Variants in SYT1 observed in about 807,000 individuals in gnomAD.
SYT1 encodes synaptotagmin 1, also known as synaptotagmin-1.
A neutral mutation model predicts 44.8 loss-of-function variants in SYT1; 8 were observed. That is an observed-to-expected ratio of 0.18 (90% CI 0.10 to 0.32). SYT1 has a LOEUF of 0.32. Ranked by LOEUF, SYT1 falls within the 10% of genes least tolerant of loss-of-function variation. The pLI, the probability that SYT1 is intolerant of heterozygous loss-of-function variation, is 1.00. For missense variants in SYT1, 286 were observed against 509.3 expected, an observed-to-expected ratio of 0.56 and a Z score of 4.22; for synonymous variants, 154 against 188.8, an observed-to-expected ratio of 0.82 and a Z score of 1.51.
intron 3 of SYT1, among the ~76,000 whole-genome samples, chr12:79,130,097 A>G (rs1868711072): frequency 6.6e-6 from 1 of 152,204 alleles, no homozygotes; most frequent in South Asian, 2.1e-4. Flanking sequence ...AAGTTTCAGC[A>G]GGTATTTGGG....
At chr12:79,197,574 T>C (rs1873537277) in intron 3 of SYT1, among the ~76,000 whole-genome samples, 2 of 152,242 alleles carry the variant, frequency 1.3e-5, no homozygotes, top group African/African-American at 4.8e-5. Context: ...AGAATTTTAC[T>C]ATATTTCCTC....
At chr12:79,032,335 A>T (rs1872878869) in intron 2 of SYT1, among the ~76,000 whole-genome samples, 1 of 151,284 alleles carries the variant, frequency 6.6e-6, no homozygotes, top group Admixed American at 6.6e-5. Flanking sequence ...TAATGCACTA[A>T]GTGATATATG....
At chr12:79,073,030 T>C (rs1314845359) in intron 3 of SYT1, among the ~76,000 whole-genome samples, 1 of 152,158 alleles carries the variant, frequency 6.6e-6, no homozygotes, top group Non-Finnish European at 1.5e-5. Context: ...AATGAATAAG[T>C]TGTCAGAATA....
chr12:79,007,800 A>G (rs900504408), intron 2 of SYT1, among the ~76,000 whole-genome samples: 6 of 152,098 alleles, frequency 3.9e-5, no homozygotes, highest in Admixed American at 1.3e-4. Flanking sequence ...TTTCAGTGCA[A>G]AAGTTCATCA....
At chr12:78,869,311 G>A (rs755211079) in intron 1 of SYT1, among the ~76,000 whole-genome samples, 11 of 151,832 alleles carry the variant, frequency 7.2e-5, no homozygotes, top group Admixed American at 2.6e-4. Flanking sequence ...TGTGGTAGCC[G>A]GGTATGTGAA....
chr12:78,991,988 A>G (rs1399547715), intron 2 of SYT1, among the ~76,000 whole-genome samples: 1 of 152,152 alleles, frequency 6.6e-6, no homozygotes, highest in Admixed American at 6.5e-5. Context: ...GGCCCTAGCA[A>G]GTTAAGGTCC....
At chr12:79,173,063 CT>C (rs1215964009) in intron 3 of SYT1, among the ~76,000 whole-genome samples, 1 of 142,294 alleles carries the variant, frequency 7.0e-6, no homozygotes, top group African/African-American at 2.6e-5. Flanking sequence ...TATAAAACCT[CT>C]TGAGATTTTA....
intron 3 of SYT1, among the ~76,000 whole-genome samples, chr12:79,149,518 A>C (rs187598499): frequency 6.6e-6 from 1 of 152,318 alleles, no homozygotes; most frequent in East Asian, 1.9e-4. Context: ...ATCATAAAAT[A>C]GTTTCCTAAA....
chr12:79,293,390 TAAA>T (rs1163394769), intron 6 of SYT1, among the ~76,000 whole-genome samples: 3 of 67,948 alleles, frequency 4.4e-5, no homozygotes, highest in Admixed American at 1.4e-4. Context: ...TAAAATAAAA[TAAA>T]ATAAAATAAA....
chr12:79,419,643 C>A (rs1310491186), intron 9 of SYT1, among the ~76,000 whole-genome samples: 2 of 152,042 alleles, frequency 1.3e-5, no homozygotes, highest in Non-Finnish European at 2.9e-5. Flanking sequence ...TATTTGAGGT[C>A]TACAATAGTA....
chr12:79,002,444 C>T (rs984978804), intron 2 of SYT1, among the ~76,000 whole-genome samples: 1 of 151,778 alleles, frequency 6.6e-6, no homozygotes, highest in East Asian at 1.9e-4. Flanking sequence ...TGGCTTTTTG[C>T]TCATTGCCAG....
intron 9 of SYT1, among the ~76,000 whole-genome samples, chr12:79,377,990 C>A (rs1010067530): frequency 6.6e-6 from 1 of 152,162 alleles, no homozygotes; most frequent in African/African-American, 2.4e-5. Context: ...TGACAAATTT[C>A]TCATATTTAT....
chr12:78,868,338 G>A (rs1221317003), intron 1 of SYT1, among the ~76,000 whole-genome samples: 1 of 151,840 alleles, frequency 6.6e-6, no homozygotes, highest in Non-Finnish European at 1.5e-5. Flanking sequence ...TATGCGTCTT[G>A]CATGCATTCT....
intron 3 of SYT1, among the ~76,000 whole-genome samples, chr12:79,105,311 A>G (rs896102166): frequency 6.6e-6 from 1 of 152,230 alleles, no homozygotes; most frequent in African/African-American, 2.4e-5. Context: ...AGGGCTTAGC[A>G]ACGTGTCCAG....
chr12:79,068,945 A>G (rs1876073328), intron 3 of SYT1, among the ~76,000 whole-genome samples: 1 of 152,198 alleles, frequency 6.6e-6, no homozygotes, highest in South Asian at 2.1e-4. Flanking sequence ...TATCATAAAT[A>G]ATGATACCAG....
At chr12:79,207,382 T>A (rs565724946) in intron 3 of SYT1, among the ~76,000 whole-genome samples, 1 of 152,206 alleles carries the variant, frequency 6.6e-6, no homozygotes, top group African/African-American at 2.4e-5. Flanking sequence ...TTGATTTGAT[T>A]TTAGGTTCCA....
At chr12:79,247,993 GA>G (rs1214882167) in intron 4 of SYT1, among the ~76,000 whole-genome samples, 2 of 152,122 alleles carry the variant, frequency 1.3e-5, no homozygotes, top group Non-Finnish European at 2.9e-5. Context: ...TTATTGGTTA[GA>G]AAAAATAGCG....
At chr12:78,911,551 G>C (rs1330248807) in intron 1 of SYT1, among the ~76,000 whole-genome samples, 1 of 151,292 alleles carries the variant, frequency 6.6e-6, no homozygotes, top group Non-Finnish European at 1.5e-5. Flanking sequence ...TTAAGAGTGA[G>C]AGAAGATGCT....
chr12:78,939,663 G>A (rs1226168088), intron 1 of SYT1, among the ~76,000 whole-genome samples: 1 of 152,158 alleles, frequency 6.6e-6, no homozygotes, highest in Non-Finnish European at 1.5e-5. Flanking sequence ...GAGAAACTGG[G>A]ACTCTAGATT....
Sources: gnomAD v4.1 joint callset for allele counts (sites outside exome capture counted in the v4.1 genomes callset) on GRCh38, gnomAD v4.1.1 for gene constraint, MANE v1.5 for transcripts, NCBI Gene and HGNC (gene_info 2026-07-23, HGNC 2026-07-21) for gene names.